Variants in PMS1 observed in about 807,000 individuals in gnomAD.
PMS1 encodes PMS1 protein homolog 1.
Under a neutral mutation model 93.1 loss-of-function variants are expected in PMS1, and 79 were observed. The observed-to-expected ratio is 0.85, with a 90% CI of 0.71 to 1.02. The LOEUF is 1.02. Ranked by LOEUF, PMS1 falls within the 50% of genes least tolerant of loss-of-function variation. The pLI, the probability that PMS1 is intolerant of heterozygous loss-of-function variation, is 0.00. For synonymous variants in PMS1, 335 were observed against 363.4 expected (o/e 0.92, Z 0.89); for missense variants, 1,064 against 1,085.3 (o/e 0.98, Z 0.28).
At chr2:189,806,838 AC>A (rs1197108674) in intron 4 of PMS1, 3 of 211,342 alleles carry the variant, frequency 1.4e-5, no homozygotes, top group African/African-American at 6.8e-5. Flanking sequence ...TAAAGCTATT[AC>A]CTCTTTAGAG....
Position 189,873,511 on chromosome 2 carries a change from A to G in PMS1, c.2489A>G (p.Glu830Gly). 1 of 1,595,474 alleles carries G rather than the reference A, an allele frequency of 6.3e-7. No homozygotes were observed. The highest frequency in any genetic ancestry group is 8.6e-7 in the Non-Finnish European group (1 of 1,163,370). ...IKLIPGVSITENYLEIEGMAN... is the reference protein window; with the variant it reads ...IKLIPGVSITGNYLEIEGMAN... ...TTTCTTTCAGGAGTTTCAATTACTG[A>G]AAATTACTTGGAAATAGAAGGAATG... The change falls in exon 12 of 13, where the codon GAA becomes GGA. Residue 830 changes from glutamate (E) to glycine (G), a missense_variant. By Grantham distance (98) the Glu-to-Gly change is moderately conservative. Coordinates refer to ENST00000441310, the MANE Select transcript of PMS1 (RefSeq NM_000534.5).
chr2:189,801,668 A>G (rs1235646124), intron 3 of PMS1, among the ~76,000 whole-genome samples: 1 of 152,238 alleles, frequency 6.6e-6, no homozygotes, highest in Non-Finnish European at 1.5e-5. Context: ...CAGAAGCCTA[A>G]TTCTAAATCC....
At chr2:189,829,946 C>G (rs936022490) in intron 5 of PMS1, among the ~76,000 whole-genome samples, 4 of 152,200 alleles carry the variant, frequency 2.6e-5, no homozygotes, top group African/African-American at 9.7e-5. Flanking sequence ...TTATCCTCTT[C>G]AGTGTATTTT....
intron 3 of PMS1, among the ~76,000 whole-genome samples, chr2:189,796,441 TAC>T (rs1314824428): frequency 6.6e-6 from 1 of 152,222 alleles, no homozygotes; most frequent in Non-Finnish European, 1.5e-5. Context: ...TGGCATTAGC[TAC>T]AGTCACATTG....
At chr2:189,859,724 A>G (rs1182108169) in intron 9 of PMS1, among the ~76,000 whole-genome samples, 1 of 152,114 alleles carries the variant, frequency 6.6e-6, no homozygotes, top group Non-Finnish European at 1.5e-5. Flanking sequence ...TTTTTCGAAC[A>G]TCCATTATCT....
chr2:189,803,216 C>G (rs1281964815), intron 3 of PMS1, among the ~76,000 whole-genome samples: 1 of 152,084 alleles, frequency 6.6e-6, no homozygotes, highest in Non-Finnish European at 1.5e-5. Flanking sequence ...GAATTTTTGT[C>G]AAGAGGATTT....
At chr2:189,818,246 A>G in intron 5 of PMS1, 66 bp downstream of exon 5, 2 of 1,068,944 alleles carry the variant, frequency 1.9e-6, no homozygotes, top group Non-Finnish European at 2.8e-6. Flanking sequence ...ATACTTTATA[A>G]ATCAGTTAGA....
At chr2:189,836,512 AGAATTGAT>A (rs1417406121) in intron 5 of PMS1, among the ~76,000 whole-genome samples, 42 of 150,570 alleles carry the variant, frequency 2.8e-4, no homozygotes, top group African/African-American at 1.0e-3. Flanking sequence ...AAAATAACAT[AGAATTGAT>A]GAAACGGTAG....
chr2:189,870,075 T>C (rs1045276725), intron 11 of PMS1, among the ~76,000 whole-genome samples: 2 of 152,202 alleles, frequency 1.3e-5, no homozygotes, highest in Admixed American at 6.5e-5. Context: ...GGAATTAACT[T>C]TACTTAGATT....
intron 12 of PMS1, among the ~76,000 whole-genome samples, chr2:189,875,824 G>A (rs553568938): frequency 4.0e-5 from 6 of 151,790 alleles, no homozygotes; most frequent in African/African-American, 1.2e-4. Context: ...GTGGTGGTGC[G>A]CACCTGTAAT....
intron 5 of PMS1, among the ~76,000 whole-genome samples, chr2:189,823,075 TTC>T (rs1338402413): frequency 3.3e-5 from 5 of 151,248 alleles, no homozygotes; most frequent in Admixed American, 6.6e-5. Flanking sequence ...CATCTCTTTT[TTC>T]TTTTTTTATT....
intron 3 of PMS1, among the ~76,000 whole-genome samples, chr2:189,799,062 T>A (rs2049633984): frequency 6.6e-6 from 1 of 152,206 alleles, no homozygotes; most frequent in South Asian, 2.1e-4. Flanking sequence ...TGTTTCCTTA[T>A]TTGATTACTT....
intron 1 of PMS1, among the ~76,000 whole-genome samples, chr2:189,785,791 A>G (rs568494828): frequency 6.6e-6 from 1 of 152,290 alleles, no homozygotes; most frequent in African/African-American, 2.4e-5. Flanking sequence ...CTGAGAGAGA[A>G]CCATGTGAGC....
chr2:189,797,498 C>T (rs1253924953), intron 3 of PMS1, among the ~76,000 whole-genome samples: 1 of 152,106 alleles, frequency 6.6e-6, no homozygotes, highest in African/African-American at 2.4e-5. Flanking sequence ...TATACTATTA[C>T]CCTGTGGATG....
intron 6 of PMS1, among the ~76,000 whole-genome samples, chr2:189,846,515 A>C (rs964940428): frequency 3.3e-5 from 5 of 150,012 alleles, no homozygotes; most frequent in African/African-American, 1.2e-4. Flanking sequence ...CTCCGTCTCA[A>C]AAAAAAAAAA....
chr2:189,854,141 A>G, intron 8 of PMS1, 59 bp downstream of exon 8: 4 of 1,384,228 alleles, frequency 2.9e-6, no homozygotes, highest in Non-Finnish European at 4.0e-6. Context: ...TACTGTTTTC[A>G]TATAAAAAGA....
At chr2:189,798,756 G>GTTTTTTTTTT (rs2049587934) in intron 3 of PMS1, among the ~76,000 whole-genome samples, 17 of 125,200 alleles carry the variant, frequency 1.4e-4, no homozygotes, top group African/African-American at 2.2e-4. Context: ...ATAAGTATTT[G>GTTTTTTTTTT]ATTTTTTTTT....
At chr2:189,811,145 C>T (rs1323437896) in intron 4 of PMS1, among the ~76,000 whole-genome samples, 3 of 151,216 alleles carry the variant, frequency 2.0e-5, no homozygotes, top group Non-Finnish European at 4.4e-5. Flanking sequence ...GGAGTCAGGT[C>T]AGTAAAAATA....
At position 189,854,083 on chromosome 2, in the gene PMS1, G is replaced by A. The variant is rs1433575885; in HGVS notation, c.966+1G>A. On this transcript the variant is annotated splice_donor_variant, in intron 8 of 12. Coordinates refer to ENST00000441310, the MANE Select transcript of PMS1 (RefSeq NM_000534.5). LOFTEE classifies it high-confidence loss of function. The stretch of plus-strand genomic sequence containing the variant: ...AAGCCAAGTATTATTACAAAATAAG[G>A]TAACTCTTTTCAGATAATTTTTTCT... 6.3e-7 allele frequency: 1 copy of A among 1,577,070 alleles called. No homozygotes were observed. Among genetic ancestry groups the A allele is most frequent in the Non-Finnish European group, 8.7e-7 (1 of 1,155,088 alleles).
Sources: allele counts gnomAD v4.1 joint callset (sites outside exome capture counted in the v4.1 genomes callset), GRCh38; gene constraint gnomAD v4.1.1; transcripts MANE v1.5; gene names NCBI Gene and HGNC (gene_info 2026-07-23, HGNC 2026-07-21).